ASXL1: variants seen among roughly 807,000 people sequenced by gnomAD.
ASXL1 encodes the protein polycomb group protein ASXL1.
In ASXL1, 65 loss-of-function variants were observed where a neutral mutation model predicts 89.1. The observed-to-expected ratio is 0.73, with a 90% confidence interval of 0.60 to 0.90. The LOEUF (loss-of-function observed/expected upper bound fraction) is 0.90. Ranked by LOEUF, ASXL1 falls within the 40% of genes least tolerant of loss-of-function variation. The pLI is 0.00. For missense variants in ASXL1, 1,786 were observed against 1,942.9 expected (o/e 0.92, Z 1.52); for synonymous variants, 739 against 746.9 (o/e 0.99, Z 0.17).
intron 4 of ASXL1, among the ~76,000 whole-genome samples, chr20:32,408,450 C>T (rs772928292): frequency 2.6e-5 from 4 of 152,204 alleles, no homozygotes; most frequent in Non-Finnish European, 4.4e-5. Flanking sequence ...ATATTTTACT[C>T]TCCTGATTTT....
At chr20:32,409,621 C>G (rs544208566) in intron 4 of ASXL1, among the ~76,000 whole-genome samples, 74 of 152,182 alleles carry the variant, frequency 4.9e-4, no homozygotes, top group Admixed American at 2.4e-3. Flanking sequence ...CACCTATAGT[C>G]TTAGCTACTC....
chr20:32,433,015 C>G (rs1187277394), intron 11 of ASXL1, 30 bp downstream of exon 11: 1 of 1,611,728 alleles, frequency 6.2e-7, no homozygotes, highest in East Asian at 2.2e-5. Flanking sequence ...GAGTCCTGGT[C>G]TGGGGTTTTG....
chr20:32,378,195 T>TGTG (rs1569255451), intron 4 of ASXL1, among the ~76,000 whole-genome samples: 3 of 147,368 alleles, frequency 2.0e-5, no homozygotes, highest in Admixed American at 6.8e-5. Context: ...TGTGTGTGTG[T>TGTG]TTTAATAGAG....
In ASXL1 at chr20:32,432,925, A is replaced by C; in HGVS notation, c.1025A>C (p.Glu342Ala). Residue 342 changes from glutamate (E) to alanine (A), a missense_variant, in exon 11 of 13, where the codon GAG becomes GCG. This residue lies in a region of ASXL1 where 332 missense variants were observed against 449.7 expected (regional missense o/e 0.74). Coordinates refer to ENST00000375687, the MANE Select transcript of ASXL1 (RefSeq NM_015338.6). Reference protein sequence around the residue: ...EMQVRIRQEMEKEKKVEQWKE... With the variant: ...EMQVRIRQEMAKEKKVEQWKE... Reference sequence around the variant, plus strand: ...CAAGTCAGGATACGACAGGAAATGGAGAAGGAAAAGAAGGTGGAACAATGG... The same window carrying C: ...CAAGTCAGGATACGACAGGAAATGGCGAAGGAAAAGAAGGTGGAACAATGG... The C allele has an allele frequency of 6.2e-7, 1 of 1,614,010 alleles. No individual in the cohort carries two copies. Among genetic ancestry groups the C allele is most frequent in the Non-Finnish European group, 8.5e-7 (1 of 1,179,984 alleles).
intron 4 of ASXL1, among the ~76,000 whole-genome samples, chr20:32,395,713 C>G (rs1353715363): frequency 6.6e-6 from 1 of 152,192 alleles, no homozygotes; most frequent in African/African-American, 2.4e-5. Context: ...GTAGTTTCTA[C>G]TGATCTTCAT....
At chr20:32,386,136 CTG>C (rs889073516) in intron 4 of ASXL1, among the ~76,000 whole-genome samples, 14 of 152,106 alleles carry the variant, frequency 9.2e-5, no homozygotes, top group African/African-American at 3.4e-4. Flanking sequence ...GGCAGAGAAT[CTG>C]TATTATTTTG....
chr20:32,434,639 GGGGGGGGT>G lies in ASXL1; in HGVS notation c.1930_1937del (p.Gly644ProfsTer11). The G allele has an allele frequency of 6.3e-7, 1 of 1,593,710 alleles. No homozygotes were observed. The highest frequency in any genetic ancestry group is 8.6e-7 in the Non-Finnish European group (1 of 1,169,190). The stretch of plus-strand genomic sequence containing the variant: ...AGAGGCGGCCACCACTGCCATCGGA[GGGGGGGGT>G]GGCCCGGGTGGAGGTGGCGGCGGGG... On this transcript the variant is annotated frameshift_variant, in exon 13 of 13. Coordinates refer to ENST00000375687, the MANE Select transcript of ASXL1 (RefSeq NM_015338.6). LOFTEE classifies it low-confidence loss of function (END_TRUNC).
intron 4 of ASXL1, among the ~76,000 whole-genome samples, chr20:32,385,939 T>C (rs1440116726): frequency 6.6e-6 from 1 of 152,214 alleles, no homozygotes. Context: ...ATTTCCCATT[T>C]TGAACTCTTT....
intron 4 of ASXL1, among the ~76,000 whole-genome samples, chr20:32,401,544 G>GT (rs35146454): frequency 0.1 from 7,143 of 69,040 alleles, 356 homozygotes; most frequent in African/African-American, 0.14. Context: ...GTGTGTGTGT[G>GT]TTTTTTCCCC....
chr20:32,384,854 AT>A (rs923825482), intron 4 of ASXL1, among the ~76,000 whole-genome samples: 3 of 150,810 alleles, frequency 2.0e-5, no homozygotes, highest in Admixed American at 1.3e-4. Flanking sequence ...CTAAAGATGT[AT>A]TTTTTTTTGG....
At chr20:32,395,821 C>T (rs967597390) in intron 4 of ASXL1, among the ~76,000 whole-genome samples, 1 of 151,934 alleles carries the variant, frequency 6.6e-6, no homozygotes, top group Non-Finnish European at 1.5e-5. Flanking sequence ...TTTTTTGAGA[C>T]GGAGTCTCAT....
intron 4 of ASXL1, among the ~76,000 whole-genome samples, chr20:32,375,922 A>G (rs1351541768): frequency 2.0e-5 from 3 of 151,990 alleles, no homozygotes; most frequent in East Asian, 1.9e-4. Context: ...ACTCGAAGCA[A>G]TCCTCCCACC....
At chr20:32,366,624 G>A (rs1290871337) in intron 2 of ASXL1, 158 bp downstream of exon 2, 1 of 932,220 alleles carries the variant, frequency 1.1e-6, no homozygotes, top group African/African-American at 1.8e-5. Flanking sequence ...TGTCGTCTCA[G>A]TGGAGGGTGG....
chr20:32,386,847 A>T (rs1275214094), intron 4 of ASXL1, among the ~76,000 whole-genome samples: 4 of 131,944 alleles, frequency 3.0e-5, no homozygotes, highest in South Asian at 4.6e-4. Flanking sequence ...TTTTTCCACG[A>T]TTATGTACCT....
chr20:32,430,492 G>C, intron 8 of ASXL1: 1 of 241,218 alleles, frequency 4.1e-6, no homozygotes, highest in Non-Finnish European at 8.1e-6. Flanking sequence ...AGCATGTGTT[G>C]AATTTTGGGG....
At chr20:32,395,228 T>C (rs1392659968) in intron 4 of ASXL1, among the ~76,000 whole-genome samples, 2 of 152,122 alleles carry the variant, frequency 1.3e-5, no homozygotes, top group Non-Finnish European at 2.9e-5. Context: ...CTTTGGTGTG[T>C]TTGAAAAAGT....
chr20:32,433,062 C>T lies in ASXL1; in HGVS notation c.1085+77C>T, dbSNP rs2011574905. 5 of 1,586,776 alleles carry T rather than the reference C, an allele frequency of 3.2e-6. No individual in the cohort carries two copies. In the African/African-American group the frequency reaches 4.0e-5, roughly 13 times the overall value. ...GTAGATGGTCTCAAAATAGCATATA[C>T]TTATGTGTTGGACAAGAATGTGGAG... On this transcript the variant is annotated intron_variant, in intron 11 of 12. Coordinates refer to ENST00000375687, the MANE Select transcript of ASXL1 (RefSeq NM_015338.6).
intron 4 of ASXL1, among the ~76,000 whole-genome samples, chr20:32,383,346 G>A (rs975417645): frequency 4.6e-5 from 7 of 150,646 alleles, no homozygotes; most frequent in Non-Finnish European, 8.8e-5. Flanking sequence ...TGTCTCTGTC[G>A]CCCAGGCTAG....
At chr20:32,421,523 T>C (rs368885225) in intron 4 of ASXL1, among the ~76,000 whole-genome samples, 292 of 148,374 alleles carry the variant, frequency 2.0e-3, no homozygotes, top group African/African-American at 6.8e-3. Context: ...TCCTAGATAG[T>C]TATTCAGGAG....
Sources: gnomAD v4.1 joint callset for allele counts (sites outside exome capture counted in the v4.1 genomes callset) on GRCh38, gnomAD v4.1.1 for gene constraint, gnomAD v4.1.1 regional missense constraint, MANE v1.5 for transcripts, NCBI Gene and HGNC (gene_info 2026-07-23, HGNC 2026-07-21) for gene names.